Variants in SDK2 observed in about 807,000 individuals in gnomAD.
SDK2 encodes the protein sidekick cell adhesion molecule 2.
SDK2 carries 105 observed loss-of-function variants against 253.9 expected under a neutral mutation model. That is an observed-to-expected ratio of 0.41 (90% CI 0.35 to 0.49). The LOEUF (loss-of-function observed/expected upper bound fraction) is 0.49, where lower values mean the gene tolerates loss of function less well. Ranked by LOEUF, SDK2 falls within the 20% of genes least tolerant of loss-of-function variation. The pLI, the probability that SDK2 is intolerant of heterozygous loss-of-function variation, is 0.06. For synonymous variants in SDK2, 1,249 were observed against 1,234.9 expected (o/e 1.01, Z -0.24); for missense variants, 2,608 against 3,003.0 (o/e 0.87, Z 3.07).
intron 1 of SDK2, among the ~76,000 whole-genome samples, chr17:73,587,029 A>C (rs1230248447): frequency 6.6e-6 from 1 of 152,186 alleles, no homozygotes; most frequent in Non-Finnish European, 1.5e-5. Context: ...ATTAACTGTC[A>C]TATGTAAAGG....
intron 15 of SDK2, among the ~76,000 whole-genome samples, chr17:73,420,458 A>G (rs2063220221): frequency 6.6e-6 from 1 of 151,604 alleles, no homozygotes; most frequent in Non-Finnish European, 1.5e-5. Flanking sequence ...CAGCCTCAAG[A>G]GTAGCGGGAT....
chr17:73,643,978 CA>C lies in SDK2; in HGVS notation c.64+46del. ...CAGCTCCCGCCGCCCCTCCCCCGCC[CA>C]CTCTCCCAGCCCCCTCCCTGTCCCC... is the stretch of plus-strand genomic sequence containing the variant. On this transcript the variant is annotated intron_variant, in intron 1 of 44. Coordinates refer to ENST00000392650, the MANE Select transcript of SDK2 (RefSeq NM_001144952.2). This position sits in a 1 kb window ranked among gnomAD's most constrained non-coding sequence, Gnocchi z 6.9. 1 of 1,223,470 alleles carries C rather than the reference CA, an allele frequency of 8.2e-7. No individual in the cohort carries two copies. The allele number at this position is 1,223,470 out of a possible 1,614,324, so 75.8% of individuals were successfully genotyped here.
chr17:73,509,920 A>G (rs1402563002), intron 1 of SDK2, among the ~76,000 whole-genome samples: 2 of 146,558 alleles, frequency 1.4e-5, no homozygotes, highest in Non-Finnish European at 3.0e-5. Flanking sequence ...AAAAAAAAAA[A>G]AAGAAGGAAA....
intron 36 of SDK2, among the ~76,000 whole-genome samples, chr17:73,377,471 G>A (rs977124635): frequency 4.0e-5 from 6 of 151,442 alleles, no homozygotes; most frequent in East Asian, 1.9e-4. Flanking sequence ...CATCTGCCTC[G>A]GCCTCCCAAA....
intron 17 of SDK2, 71 bp from the exon 18 acceptor site, chr17:73,414,830 A>G (rs1253143381): frequency 4.2e-6 from 4 of 953,906 alleles, no homozygotes. Context: ...TTCAGTAGAG[A>G]AAACGCAGGG....
intron 2 of SDK2, among the ~76,000 whole-genome samples, chr17:73,492,020 T>C (rs1213840379): frequency 2.0e-5 from 3 of 152,154 alleles, no homozygotes; most frequent in South Asian, 2.1e-4. Flanking sequence ...CTCGCTTTCA[T>C]TGACAGAATG....
intron 2 of SDK2, among the ~76,000 whole-genome samples, chr17:73,484,358 C>T (rs554208074): frequency 1.0e-3 from 159 of 152,310 alleles, no homozygotes; most frequent in African/African-American, 3.4e-3. Flanking sequence ...CCCACTTCTC[C>T]GGGCTCACTC....
Position 73,409,500 on chromosome 17 carries a change from T to C in SDK2, c.2484+5144A>G, listed in dbSNP as rs144297063. Among the ~76,000 whole-genome samples the C allele has an allele frequency of 6.7e-4, 102 of 151,794 alleles. 1 individual carries two copies. Among genetic ancestry groups the C allele is most frequent in the African/African-American group, 2.0e-3 (84 of 41,358 alleles). On this transcript the variant is annotated intron_variant, in intron 18 of 44. Coordinates refer to ENST00000392650, the MANE Select transcript of SDK2 (RefSeq NM_001144952.2). ...AAAATTAGCTGAGCATGGTGGCACATGCCCCTGTAATCCCAGCTACTTGGG... is the reference window on the plus strand; with the variant it reads ...AAAATTAGCTGAGCATGGTGGCACACGCCCCTGTAATCCCAGCTACTTGGG...
chr17:73,419,564 GTA>G (rs1356836662), intron 15 of SDK2, among the ~76,000 whole-genome samples: 2 of 151,950 alleles, frequency 1.3e-5, no homozygotes, highest in Non-Finnish European at 2.9e-5. Flanking sequence ...GTGGATATAT[GTA>G]TATGTCTTTT....
intron 15 of SDK2, among the ~76,000 whole-genome samples, chr17:73,421,680 G>T (rs1229774009): frequency 3.0e-5 from 4 of 132,358 alleles, no homozygotes; most frequent in Non-Finnish European, 6.3e-5. Flanking sequence ...TTGTGCCTCA[G>T]CCTCCCGAGT....
At position 73,629,376 on chromosome 17, in the gene SDK2, G is replaced by A. The variant is rs1367571079; in HGVS notation, c.64+14649C>T. Reference sequence around the variant, plus strand: ...CTGTTTCCCTCCTGACGCTTGCATAGCTTCTATGAGATGGTTGCTGCCCAG... The same window carrying A: ...CTGTTTCCCTCCTGACGCTTGCATAACTTCTATGAGATGGTTGCTGCCCAG... On this transcript the variant is annotated intron_variant, in intron 1 of 44. Transcript: ENST00000392650. The surrounding 1 kb of genome is among the most constrained non-coding windows in gnomAD (Gnocchi z 5.0). 2.0e-5 allele frequency among the ~76,000 whole-genome samples: 3 copies of A among 152,144 alleles called. No individual in the cohort carries two copies. In the East Asian group the frequency reaches 5.8e-4, roughly 29 times the overall value.
chr17:73,413,433 CAT>C (rs1473651092), intron 18 of SDK2, among the ~76,000 whole-genome samples: 2 of 152,062 alleles, frequency 1.3e-5, no homozygotes, highest in Non-Finnish European at 2.9e-5. Flanking sequence ...ACAATAATGT[CAT>C]GTGCTTGAAT....
chr17:73,599,748 A>G (rs1022297856), intron 1 of SDK2, among the ~76,000 whole-genome samples: 14 of 152,034 alleles, frequency 9.2e-5, no homozygotes, highest in Non-Finnish European at 1.9e-4. Flanking sequence ...CCATCCTGAG[A>G]CTCAGGCTAA....
intron 1 of SDK2, among the ~76,000 whole-genome samples, chr17:73,575,590 G>C (rs181404355): frequency 6.6e-6 from 1 of 152,242 alleles, no homozygotes; most frequent in African/African-American, 2.4e-5. Flanking sequence ...CTGCAGAATA[G>C]AGCAGTCATC....
At chr17:73,387,207 G>A (rs944338822) in intron 30 of SDK2, among the ~76,000 whole-genome samples, 4 of 152,248 alleles carry the variant, frequency 2.6e-5, no homozygotes, top group Non-Finnish European at 4.4e-5. Context: ...TGATCCTCCC[G>A]CCTCGGCCTC....
chr17:73,494,119 G>A (rs1408149993), intron 2 of SDK2, among the ~76,000 whole-genome samples: 1 of 152,216 alleles, frequency 6.6e-6, no homozygotes, highest in African/African-American at 2.4e-5. Flanking sequence ...GACACTGAGT[G>A]AAATTGATGT....
At position 73,528,984 on chromosome 17, in the gene SDK2, C is replaced by G. The variant is rs368141004; in HGVS notation, c.65-21387G>C. ...CTCTGCCCAGCTTCTGCAGCTCCTT[C>G]TGGTGGCTCTCACAAGGTCTTCTCA... On this transcript the variant is annotated intron_variant, in intron 1 of 44. Transcript: ENST00000392650. Among the ~76,000 whole-genome samples, 4 of 152,238 alleles carry G rather than the reference C, an allele frequency of 2.6e-5. No homozygotes were observed. In the East Asian group the frequency reaches 5.8e-4, roughly 22 times the overall value.
intron 1 of SDK2, among the ~76,000 whole-genome samples, chr17:73,619,089 C>T (rs1157288351): frequency 6.6e-6 from 1 of 151,760 alleles, no homozygotes; most frequent in East Asian, 1.9e-4. Context: ...ACTGCTTGAA[C>T]CCGGGAAGTG....
Position 73,423,302 on chromosome 17 carries a change from A to C in SDK2, c.1897+84T>G, listed in dbSNP as rs1599552281. The C allele has an allele frequency of 4.8e-6, 6 of 1,245,348 alleles. No individual in the cohort carries two copies. In the East Asian group the frequency reaches 1.9e-4, roughly 39 times the overall value. 77.1% of individuals were successfully genotyped at this position (1,245,348 alleles called of 1,614,324 possible). On this transcript the variant is annotated intron_variant, in intron 14 of 44. Transcript: ENST00000392650. The stretch of plus-strand genomic sequence containing the variant: ...GCTCAAAGGCCCAGAACTAGGAAGC[A>C]GGAGAGCTGGGACCCCAGCCCAGGG...
Sources: allele counts gnomAD v4.1 joint callset (sites outside exome capture counted in the v4.1 genomes callset), GRCh38; gene constraint gnomAD v4.1.1; non-coding constraint Gnocchi (gnomAD v3.1); transcripts MANE v1.5; gene names NCBI Gene and HGNC (gene_info 2026-07-23, HGNC 2026-07-21).